TMEM132B: variants seen among roughly 807,000 people sequenced by gnomAD.
The protein encoded by TMEM132B is transmembrane protein 132B.
In TMEM132B, 18 loss-of-function variants were observed where a neutral mutation model predicts 90.8. The ratio of observed to expected loss-of-function variants is 0.20; its 90% CI spans 0.14 to 0.29. The LOEUF (loss-of-function observed/expected upper bound fraction) is 0.29. Ranked by LOEUF, TMEM132B falls within the 10% of genes least tolerant of loss-of-function variation. The pLI is 1.00. For missense variants in TMEM132B, 1,096 were observed against 1,326.8 expected (o/e 0.83, Z 2.70); for synonymous variants, 504 against 523.3 (o/e 0.96, Z 0.50).
At chr12:125,240,041 C>T (rs932757253) in intron 1 of TMEM132B, among the ~76,000 whole-genome samples, 13 of 152,332 alleles carry the variant, frequency 8.5e-5, no homozygotes, top group Middle Eastern at 3.4e-3. Context: ...GAGAAAACAG[C>T]TCCCTTGGTG....
At chr12:125,456,710 C>T (rs1881301754) in intron 3 of TMEM132B, among the ~76,000 whole-genome samples, 3 of 152,220 alleles carry the variant, frequency 2.0e-5, no homozygotes, top group Admixed American at 2.0e-4. Context: ...CTCCCCACTG[C>T]AGTCTCTCTG....
intron 3 of TMEM132B, among the ~76,000 whole-genome samples, chr12:125,435,530 C>T (rs894504615): frequency 1.3e-5 from 2 of 152,144 alleles, no homozygotes; most frequent in South Asian, 2.1e-4. Flanking sequence ...ATTCCTTCAG[C>T]GCGTATTACA....
intron 4 of TMEM132B, among the ~76,000 whole-genome samples, chr12:125,569,879 A>G (rs1459808712): frequency 6.6e-6 from 1 of 152,112 alleles, no homozygotes; most frequent in African/African-American, 2.4e-5. Flanking sequence ...TTTCATTCCA[A>G]ATTCTTTACA....
At chr12:125,613,370 C>T (rs894816746) in intron 5 of TMEM132B, among the ~76,000 whole-genome samples, 2 of 150,268 alleles carry the variant, frequency 1.3e-5, no homozygotes. Flanking sequence ...CTCCTGTAGA[C>T]AACATAGTTG....
chr12:125,449,112 G>A (rs10846893), intron 3 of TMEM132B, among the ~76,000 whole-genome samples: 47,624 of 151,416 alleles, frequency 0.31, 7,679 homozygotes, highest in East Asian at 0.51. Context: ...GACTACAGGC[G>A]CCCACCATCA....
chr12:125,305,680 G>A (rs1875939137), intron 1 of TMEM132B, among the ~76,000 whole-genome samples: 1 of 152,134 alleles, frequency 6.6e-6, no homozygotes, highest in Non-Finnish European at 1.5e-5. Context: ...ATGCTTTGTG[G>A]GATGGCAAAG....
At chr12:125,606,191 A>G (rs1885691794) in intron 5 of TMEM132B, among the ~76,000 whole-genome samples, 1 of 152,206 alleles carries the variant, frequency 6.6e-6, no homozygotes, top group Non-Finnish European at 1.5e-5. Flanking sequence ...AACAGTTCAG[A>G]TTTCAGTCAA....
chr12:125,225,683 G>T (rs1786893249), intron 1 of TMEM132B, among the ~76,000 whole-genome samples: 1 of 152,126 alleles, frequency 6.6e-6, no homozygotes, highest in Non-Finnish European at 1.5e-5. Flanking sequence ...GGGGACTCAG[G>T]GTTCTTTCAT....
rs186581840 is a variant in TMEM132B, at chr12:125,563,617, A to T, written c.1294-20234A>T. ...AACAAACAAAAAAAAACCCCACAGTATCTGTGAGGTGCAATAAGGTGAAGC... is the reference window on the plus strand; with the variant it reads ...AACAAACAAAAAAAAACCCCACAGTTTCTGTGAGGTGCAATAAGGTGAAGC... On this transcript the variant is annotated intron_variant, in intron 4 of 8. Coordinates refer to ENST00000682704, the MANE Select transcript of TMEM132B (RefSeq NM_001366854.1). Among the ~76,000 whole-genome samples the T allele has an allele frequency of 2.5e-3, 380 of 150,366 alleles. 6 individuals carry two copies. In the South Asian group the frequency reaches 0.032, roughly 13 times the overall value.
intron 2 of TMEM132B, among the ~76,000 whole-genome samples, chr12:125,350,568 G>A (rs1877536189): frequency 6.6e-6 from 1 of 152,230 alleles, no homozygotes; most frequent in Admixed American, 6.5e-5. Context: ...GGGAGAATGA[G>A]GGATGGGGAA....
intron 1 of TMEM132B, among the ~76,000 whole-genome samples, chr12:125,314,632 G>A (rs549880748): frequency 2.0e-5 from 3 of 152,134 alleles, no homozygotes; most frequent in Admixed American, 6.5e-5. Flanking sequence ...CGCACAAGAG[G>A]TCGCGAACCC....
intron 4 of TMEM132B, among the ~76,000 whole-genome samples, chr12:125,526,245 G>C (rs1344571484): frequency 6.6e-6 from 1 of 152,220 alleles, no homozygotes; most frequent in African/African-American, 2.4e-5. Context: ...GGTTTCAACT[G>C]AAGGCTCTTC....
chr12:125,443,468 C>G (rs187447943), intron 3 of TMEM132B, among the ~76,000 whole-genome samples: 7 of 152,106 alleles, frequency 4.6e-5, no homozygotes, highest in African/African-American at 1.7e-4. Flanking sequence ...GATTTGGTCT[C>G]TCCTGTGATT....
At chr12:125,244,628 G>A (rs1369768665) in intron 1 of TMEM132B, among the ~76,000 whole-genome samples, 1 of 152,258 alleles carries the variant, frequency 6.6e-6, no homozygotes, top group African/African-American at 2.4e-5. Context: ...AAGTGCCAGC[G>A]AAGTGGTTCC....
At chr12:125,505,815 A>T (rs563878558) in intron 3 of TMEM132B, among the ~76,000 whole-genome samples, 1 of 152,368 alleles carries the variant, frequency 6.6e-6, no homozygotes, top group South Asian at 2.1e-4. Context: ...AGAACACAGA[A>T]GAAAAACATT....
intron 2 of TMEM132B, among the ~76,000 whole-genome samples, chr12:125,373,016 C>T (rs1878345389): frequency 6.6e-6 from 1 of 152,218 alleles, no homozygotes; most frequent in Admixed American, 6.5e-5. Context: ...CTATGTGGTC[C>T]TCTTTGGCAA....
chr12:125,432,540 G>T lies in TMEM132B; in HGVS notation c.1106+16863G>T, dbSNP rs1446581404. On this transcript the variant is annotated intron_variant, in intron 3 of 8. Coordinates refer to ENST00000682704, the MANE Select transcript of TMEM132B (RefSeq NM_001366854.1). The stretch of plus-strand genomic sequence containing the variant: ...ATATATATATATATAGAGAGAGAGA[G>T]AGAGAGAGAGAGAGAGAGAGAGAGA... Among the ~76,000 whole-genome samples the T allele has an allele frequency of 1.8e-3, 184 of 99,608 alleles. 4 individuals carry two copies. The highest frequency in any genetic ancestry group is 2.0e-3 in the Non-Finnish European group (99 of 49,326). 65.3% of individuals were successfully genotyped at this position (99,608 alleles called of 152,430 possible). A position where few individuals can be genotyped will look rare whatever the true frequency, so the allele number is the denominator to read the frequency against.
chr12:125,331,846 C>T (rs1219692237), intron 1 of TMEM132B, among the ~76,000 whole-genome samples: 2 of 152,186 alleles, frequency 1.3e-5, no homozygotes, highest in African/African-American at 2.4e-5. Flanking sequence ...CTTGACCTCC[C>T]GGGCTCTAAC....
chr12:125,336,994 G>A (rs1411880418), intron 1 of TMEM132B, among the ~76,000 whole-genome samples: 1 of 152,278 alleles, frequency 6.6e-6, no homozygotes, highest in African/African-American at 2.4e-5. Context: ...TTAACAGCTG[G>A]TGGTACCTAT....
Sources: allele counts gnomAD v4.1 joint callset (sites outside exome capture counted in the v4.1 genomes callset), GRCh38; gene constraint gnomAD v4.1.1; transcripts MANE v1.5; gene names NCBI Gene and HGNC (gene_info 2026-07-23, HGNC 2026-07-21).